NLGN1: variants seen among roughly 807,000 people sequenced by gnomAD.
NLGN1 encodes the protein neuroligin-1.
In NLGN1, 12 loss-of-function variants were observed where a neutral mutation model predicts 65.5. The ratio of observed to expected loss-of-function variants is 0.18; its 90% CI spans 0.12 to 0.30. NLGN1 has a LOEUF of 0.30. NLGN1 is among the 10% of genes least tolerant of loss of function. NLGN1 has a pLI of 1.00. For missense variants in NLGN1, 750 were observed against 1,007.1 expected, an observed-to-expected ratio of 0.74 and a Z score of 3.46; for synonymous variants, 350 against 359.5, an observed-to-expected ratio of 0.97 and a Z score of 0.30.
rs565248888 is a variant in NLGN1 at position 173,638,124 on chromosome 3, C to CT, written c.493+33041dup. On this transcript the variant is annotated intron_variant, in intron 3 of 6. Transcript: ENST00000457714. ...GAAACTCCTGTTTTACGCCAGTTCACTTTTTTTTCAGTATAGTTTTGTTTT... is the reference window on the plus strand; with the variant it reads ...GAAACTCCTGTTTTACGCCAGTTCACTTTTTTTTTCAGTATAGTTTTGTTTT... Among the ~76,000 whole-genome samples the CT allele has an allele frequency of 1.6e-4, 24 of 151,298 alleles. No individual in the cohort carries two copies. In the East Asian group the frequency reaches 3.7e-3, roughly 23 times the overall value.
At chr3:173,957,942 A>T (rs899826444) in intron 4 of NLGN1, among the ~76,000 whole-genome samples, 1 of 152,080 alleles carries the variant, frequency 6.6e-6, no homozygotes, top group African/African-American at 2.4e-5. Flanking sequence ...TGAGTGAGTG[A>T]GTGTTGGGTC....
At chr3:174,167,051 C>A (rs191632007) in intron 4 of NLGN1, among the ~76,000 whole-genome samples, 54 of 152,114 alleles carry the variant, frequency 3.5e-4, no homozygotes, top group African/African-American at 1.2e-3. Flanking sequence ...TTCTCCAACC[C>A]TTTACATTGA....
intron 2 of NLGN1, among the ~76,000 whole-genome samples, chr3:173,518,507 A>C (rs920052683): frequency 2.0e-5 from 3 of 150,440 alleles, no homozygotes; most frequent in African/African-American, 7.3e-5. Flanking sequence ...GTATGCATGT[A>C]TTATATATAT....
At chr3:173,995,623 A>G (rs1722096879) in intron 4 of NLGN1, among the ~76,000 whole-genome samples, 1 of 151,290 alleles carries the variant, frequency 6.6e-6, no homozygotes, top group Non-Finnish European at 1.5e-5. Context: ...TGCCCCAATT[A>G]GTGTTAGACT....
chr3:174,077,134 C>T (rs1741182803), intron 4 of NLGN1, among the ~76,000 whole-genome samples: 1 of 151,864 alleles, frequency 6.6e-6, no homozygotes, highest in Admixed American at 6.6e-5. Context: ...TAAATCAATA[C>T]ACTGATGGAC....
chr3:174,017,804 T>C (rs777468559), intron 4 of NLGN1, among the ~76,000 whole-genome samples: 1 of 152,118 alleles, frequency 6.6e-6, no homozygotes, highest in African/African-American at 2.4e-5. Flanking sequence ...ACAAGGCAAC[T>C]GGAGGCAGGG....
chr3:173,926,257 A>G (rs1032974511), intron 4 of NLGN1, among the ~76,000 whole-genome samples: 25 of 152,228 alleles, frequency 1.6e-4, no homozygotes, highest in African/African-American at 5.5e-4. Context: ...AGGACTATTA[A>G]AAGAACTATC....
intron 4 of NLGN1, among the ~76,000 whole-genome samples, chr3:174,218,020 G>A (rs1358487577): frequency 1.3e-5 from 2 of 151,954 alleles, no homozygotes; most frequent in Non-Finnish European, 2.9e-5. Flanking sequence ...TAATTTCCTT[G>A]GAAAATTGTC....
At chr3:173,496,898 C>G (rs1560339126) in intron 2 of NLGN1, among the ~76,000 whole-genome samples, 1 of 151,696 alleles carries the variant, frequency 6.6e-6, no homozygotes, top group Non-Finnish European at 1.5e-5. Flanking sequence ...TATAGTCTTC[C>G]AGAAGACTTT....
intron 4 of NLGN1, among the ~76,000 whole-genome samples, chr3:174,171,829 G>C (rs9827457): frequency 0.19 from 28,752 of 152,092 alleles, 3,223 homozygotes; most frequent in East Asian, 0.59. Context: ...TTGGGACCTT[G>C]AGAAGCTCAT....
At chr3:173,820,757 C>A (rs7612948) in intron 4 of NLGN1, among the ~76,000 whole-genome samples, 2 of 151,900 alleles carry the variant, frequency 1.3e-5, no homozygotes, top group African/African-American at 4.8e-5. Context: ...CAGAGGTAAC[C>A]GGAGAGTAAA....
At chr3:173,883,926 A>G (rs1430493989) in intron 4 of NLGN1, among the ~76,000 whole-genome samples, 1 of 151,398 alleles carries the variant, frequency 6.6e-6, no homozygotes, top group African/African-American at 2.4e-5. Flanking sequence ...CACATGAGAA[A>G]TTGTCGTTCT....
chr3:173,492,137 T>A (rs1424335081), intron 2 of NLGN1, among the ~76,000 whole-genome samples: 1 of 151,816 alleles, frequency 6.6e-6, no homozygotes, highest in African/African-American at 2.4e-5. Flanking sequence ...CATAAAATGG[T>A]GAAATAATAA....
intron 2 of NLGN1, among the ~76,000 whole-genome samples, chr3:173,603,641 C>T (rs1750918519): frequency 6.6e-6 from 1 of 152,008 alleles, no homozygotes; most frequent in African/African-American, 2.4e-5. Flanking sequence ...CTTTTAAATT[C>T]TTGAATCTTA....
intron 2 of NLGN1, among the ~76,000 whole-genome samples, chr3:173,603,005 G>A (rs1750790809): frequency 6.6e-6 from 1 of 152,094 alleles, no homozygotes; most frequent in Admixed American, 6.6e-5. Context: ...ATAGCCTTCT[G>A]TGATGGATTG....
chr3:174,106,980 T>TCACACACACA (rs370193288), intron 4 of NLGN1, among the ~76,000 whole-genome samples: 1 of 113,094 alleles, frequency 8.8e-6, no homozygotes, highest in Non-Finnish European at 1.9e-5. Context: ...TCTTCAAGAA[T>TCACACACACA]CACACACACA....
At chr3:174,238,098 T>C (rs1239414827) in intron 4 of NLGN1, among the ~76,000 whole-genome samples, 1 of 152,194 alleles carries the variant, frequency 6.6e-6, no homozygotes, top group African/African-American at 2.4e-5. Context: ...ACTAGGCCAC[T>C]GGAATAAGGA....
intron 4 of NLGN1, among the ~76,000 whole-genome samples, chr3:174,031,755 G>A (rs1343493255): frequency 2.0e-5 from 3 of 151,938 alleles, no homozygotes; most frequent in African/African-American, 7.2e-5. Flanking sequence ...TGTAGAGGAG[G>A]AAATATCAAA....
At chr3:174,119,306 A>G (rs1447022423) in intron 4 of NLGN1, among the ~76,000 whole-genome samples, 6 of 152,120 alleles carry the variant, frequency 3.9e-5, no homozygotes, top group Admixed American at 3.3e-4. Context: ...TTTATATGTA[A>G]TGTATTTTCT....
Sources: allele counts gnomAD v4.1 joint callset (sites outside exome capture counted in the v4.1 genomes callset), GRCh38; gene constraint gnomAD v4.1.1; transcripts MANE v1.5; gene names NCBI Gene and HGNC (gene_info 2026-07-23, HGNC 2026-07-21).